SLC38A1: variants seen among roughly 807,000 people sequenced by gnomAD.
SLC38A1 encodes sodium-coupled neutral amino acid symporter 1.
In SLC38A1, 18 loss-of-function variants were observed where a neutral mutation model predicts 60.3. The ratio of observed to expected loss-of-function variants is 0.30; its 90% CI spans 0.21 to 0.44. The LOEUF is 0.44. Ranked by LOEUF, SLC38A1 falls within the 20% of genes least tolerant of loss-of-function variation. The pLI is 1.00. For missense variants in SLC38A1, 448 were observed against 587.2 expected, an observed-to-expected ratio of 0.76 and a Z score of 2.45; for synonymous variants, 196 against 212.1, an observed-to-expected ratio of 0.92 and a Z score of 0.66.
intron 5 of SLC38A1, among the ~76,000 whole-genome samples, chr12:46,217,981 A>G (rs1394554445): frequency 6.6e-6 from 1 of 152,192 alleles, no homozygotes; most frequent in Non-Finnish European, 1.5e-5. Context: ...TGCATTGCTG[A>G]TGGCCAATTC....
At chr12:46,189,805 G>A (rs764456999) in intron 16 of SLC38A1, among the ~76,000 whole-genome samples, 6 of 152,094 alleles carry the variant, frequency 3.9e-5, no homozygotes, top group South Asian at 2.1e-4. Context: ...CTGCACATGC[G>A]CTCTGCCTGC....
At chr12:46,267,331 G>C (rs1442176748) in intron 1 of SLC38A1, 2 of 152,214 alleles carry the variant, frequency 1.3e-5, no homozygotes, top group Non-Finnish European at 2.9e-5. Context: ...AACAGAGAAC[G>C]AGGGTTTGTA....
chr12:46,253,463 C>A (rs1330853405), intron 1 of SLC38A1, among the ~76,000 whole-genome samples: 2 of 152,180 alleles, frequency 1.3e-5, no homozygotes, highest in Non-Finnish European at 2.9e-5. Context: ...GGGCAACTTC[C>A]AGATGTTGCC....
chr12:46,239,067 T>C (rs1941353828), intron 3 of SLC38A1: 1 of 152,286 alleles, frequency 6.6e-6, no homozygotes, highest in African/African-American at 2.4e-5. Flanking sequence ...GAAATTCCAG[T>C]AGTCTGTTTA....
intron 14 of SLC38A1, 81 bp from the exon 15 acceptor site, chr12:46,198,141 T>G: frequency 7.0e-7 from 1 of 1,435,476 alleles, no homozygotes; most frequent in Non-Finnish European, 9.5e-7. Context: ...AACTGATTTA[T>G]TGGTGCACAG....
At chr12:46,239,374 T>G (rs1293649835) in intron 3 of SLC38A1, 8 of 173,426 alleles carry the variant, frequency 4.6e-5, no homozygotes, top group African/African-American at 1.9e-4. Flanking sequence ...ATCCAGGCTG[T>G]AGTGCAGTGG....
At chr12:46,215,777 T>C (rs1940382694) in intron 5 of SLC38A1, among the ~76,000 whole-genome samples, 1 of 152,214 alleles carries the variant, frequency 6.6e-6, no homozygotes, top group Non-Finnish European at 1.5e-5. Flanking sequence ...ATTCTTCCTC[T>C]TCTAGATCCA....
At chr12:46,231,828 C>T (rs776393836) in intron 3 of SLC38A1, among the ~76,000 whole-genome samples, 8 of 152,114 alleles carry the variant, frequency 5.3e-5, no homozygotes, top group Non-Finnish European at 1.0e-4. Flanking sequence ...TTAGTAGAGA[C>T]GTGGTTTTGC....
chr12:46,227,493 G>GT (rs967395929), intron 5 of SLC38A1, among the ~76,000 whole-genome samples: 38 of 152,258 alleles, frequency 2.5e-4, no homozygotes, highest in African/African-American at 7.2e-4. Context: ...TAGAGTTATT[G>GT]TAAGGATTCT....
intron 5 of SLC38A1, among the ~76,000 whole-genome samples, chr12:46,222,230 T>C (rs1338119356): frequency 2.6e-5 from 4 of 152,236 alleles, no homozygotes; most frequent in South Asian, 2.1e-4. Flanking sequence ...AAAAAACCAA[T>C]TTTTTCAACT....
At position 46,268,238 on chromosome 12, in the gene SLC38A1, G is replaced by A. The variant is rs906891862; in HGVS notation, c.-209+288C>T. ...GGTACCACACTCTGCCACAGCCACA[G>A]GAAAACACACCAAAGTCACAGGAAA... On this transcript the variant is annotated intron_variant, in intron 1 of 16. Transcript: ENST00000398637. This position sits in a 1 kb window ranked among gnomAD's most constrained non-coding sequence, Gnocchi z 4.4. Among the ~76,000 whole-genome samples the A allele has an allele frequency of 3.3e-5, 5 of 152,176 alleles. No individual in the cohort carries two copies. The highest frequency in any genetic ancestry group is 1.2e-4 in the African/African-American group (5 of 41,434).
chr12:46,234,388 C>G (rs1362401897), intron 3 of SLC38A1, among the ~76,000 whole-genome samples: 1 of 151,798 alleles, frequency 6.6e-6, no homozygotes, highest in East Asian at 1.9e-4. Flanking sequence ...GGTGTTTCAA[C>G]TTTTTCTTCT....
intron 8 of SLC38A1, among the ~76,000 whole-genome samples, chr12:46,206,754 G>A (rs1009622385): frequency 3.3e-5 from 5 of 152,164 alleles, no homozygotes; most frequent in African/African-American, 4.8e-5. Flanking sequence ...TCTTTAATGA[G>A]GTTGGCTCAT....
At chr12:46,194,357 G>A (rs1402354625) in intron 16 of SLC38A1, among the ~76,000 whole-genome samples, 1 of 152,178 alleles carries the variant, frequency 6.6e-6, no homozygotes, top group Non-Finnish European at 1.5e-5. Context: ...CTTTCTGGCT[G>A]CCCTTAACAT....
rs114096004 is a variant in SLC38A1, at chr12:46,210,273, G to A, written c.315-1146C>T. On this transcript the variant is annotated intron_variant, in intron 5 of 16. Coordinates refer to ENST00000398637, the MANE Select transcript of SLC38A1 (RefSeq NM_030674.4). ...ACAGTGTTTTGTTTCTCCTGCATAC[G>A]GGGCAACCATGAGGAGATAAACCAG... Among the ~76,000 whole-genome samples, 1,030 of 152,164 alleles carry A rather than the reference G, an allele frequency of 6.8e-3. 8 individuals are homozygous for A. The highest frequency in any genetic ancestry group is 0.023 in the African/African-American group (964 of 41,492).
chr12:46,187,401 C>G lies in SLC38A1; in HGVS notation c.*1569G>C, dbSNP rs1938972839. On this transcript the variant is annotated 3_prime_UTR_variant, in exon 17 of 17. Coordinates refer to ENST00000398637, the MANE Select transcript of SLC38A1 (RefSeq NM_030674.4). Reference sequence around the variant, plus strand: ...TATAGAGGAAGCATAAGTCCTGTTTCAAGAGACCAGCTCACGGAGCATGCA... The same window carrying G: ...TATAGAGGAAGCATAAGTCCTGTTTGAAGAGACCAGCTCACGGAGCATGCA... 6.6e-6 allele frequency: 1 copy of G among 152,234 alleles called. No homozygotes were observed. Among genetic ancestry groups the G allele is most frequent in the African/African-American group, 2.4e-5 (1 of 41,456 alleles). The allele number at this position is 152,234 out of a possible 1,614,324, so 9.4% of individuals were successfully genotyped here.
intron 3 of SLC38A1, among the ~76,000 whole-genome samples, chr12:46,238,299 G>A (rs1941327318): frequency 6.6e-6 from 1 of 152,200 alleles, no homozygotes; most frequent in Non-Finnish European, 1.5e-5. Context: ...GAGGAAAAGT[G>A]TCTGAGTTGG....
rs1939026084 is a variant in SLC38A1 at position 46,188,863 on chromosome 12, C to T, written c.*107G>A. On this transcript the variant is annotated 3_prime_UTR_variant, in exon 17 of 17. Coordinates refer to ENST00000398637, the MANE Select transcript of SLC38A1 (RefSeq NM_030674.4). ...GTTATTCCATTTTAAGTATCCTGTA[C>T]ATTTCTGTTTGCTTCTGTAAACTTG... 1 of 913,082 alleles carries T rather than the reference C, an allele frequency of 1.1e-6. No homozygotes were observed. The highest frequency in any genetic ancestry group is 1.9e-5 in the Admixed American group (1 of 52,154). 56.6% of individuals were successfully genotyped at this position (913,082 alleles called of 1,614,324 possible). A position where few individuals can be genotyped will look rare whatever the true frequency, so the allele number is the denominator to read the frequency against.
At chr12:46,215,105 C>T (rs556018775) in intron 5 of SLC38A1, among the ~76,000 whole-genome samples, 22 of 152,294 alleles carry the variant, frequency 1.4e-4, no homozygotes, top group African/African-American at 2.9e-4. Context: ...TGCTACTGGT[C>T]CACTGACCTC....
Sources: allele counts gnomAD v4.1 joint callset (sites outside exome capture counted in the v4.1 genomes callset), GRCh38; gene constraint gnomAD v4.1.1; non-coding constraint Gnocchi (gnomAD v3.1); transcripts MANE v1.5; gene names NCBI Gene and HGNC (gene_info 2026-07-23, HGNC 2026-07-21).